Variants in SUMF1 observed in about 807,000 individuals in gnomAD.
The protein encoded by SUMF1 is sulfatase modifying factor 1, also known as formylglycine-generating enzyme.
A neutral mutation model predicts 47.6 loss-of-function variants in SUMF1; 48 were observed. The observed-to-expected ratio is 1.01, with a 90% CI of 0.80 to 1.28. The LOEUF (loss-of-function observed/expected upper bound fraction) is 1.28. Ranked by LOEUF, SUMF1 falls within the 50% of genes most tolerant of loss-of-function variation. The pLI, the probability that SUMF1 is intolerant of heterozygous loss-of-function variation, is 0.00. For missense variants in SUMF1, 571 were observed against 485.4 expected, an observed-to-expected ratio of 1.18 and a Z score of -1.66; for synonymous variants, 230 against 192.1, an observed-to-expected ratio of 1.20 and a Z score of -1.63.
chr3:4,140,939 AAC>A (rs1406234603), intron 8 of SUMF1, among the ~76,000 whole-genome samples: 2 of 152,164 alleles, frequency 1.3e-5, no homozygotes, highest in African/African-American at 2.4e-5. Context: ...AGAGGAAAAA[AAC>A]ACAGTCCCTG....
chr3:4,102,743 G>C (rs1240899588), intron 8 of SUMF1, among the ~76,000 whole-genome samples: 1 of 151,982 alleles, frequency 6.6e-6, no homozygotes, highest in Non-Finnish European at 1.5e-5. Flanking sequence ...TCTTGCACCA[G>C]AAGCACAGGA....
chr3:4,208,573 T>C (rs1385594844), intron 8 of SUMF1, among the ~76,000 whole-genome samples: 1 of 151,500 alleles, frequency 6.6e-6, no homozygotes, highest in Non-Finnish European at 1.5e-5. Context: ...TAACTGCAAT[T>C]AATATGCTAA....
At chr3:4,315,516 T>C (rs1334447105) in intron 8 of SUMF1, among the ~76,000 whole-genome samples, 1 of 152,140 alleles carries the variant, frequency 6.6e-6, no homozygotes, top group East Asian at 1.9e-4. Context: ...TTTTTTGTCC[T>C]CAGGCACTAG....
At chr3:4,356,409 TC>T (rs1412107421), downstream of SUMF1, among the ~76,000 whole-genome samples, 3,028 of 151,824 alleles carry the variant, frequency 0.02, 106 homozygotes, top group African/African-American at 0.069. Flanking sequence ...TAAATGGTTT[TC>T]CGTGGGGACA....
At chr3:4,039,043 C>G (rs1261511868) in intron 9 of SUMF1, among the ~76,000 whole-genome samples, 1 of 151,886 alleles carries the variant, frequency 6.6e-6, no homozygotes, top group Non-Finnish European at 1.5e-5. Flanking sequence ...CTAAATGCAA[C>G]AGCAATGGCA....
At chr3:4,200,307 G>T (rs531212150) in intron 8 of SUMF1, among the ~76,000 whole-genome samples, 7 of 151,934 alleles carry the variant, frequency 4.6e-5, no homozygotes, top group Non-Finnish European at 7.4e-5. Context: ...GTTTCCAGAG[G>T]AGACTGGTGT....
At chr3:4,276,048 G>A (rs1157579502) in intron 8 of SUMF1, among the ~76,000 whole-genome samples, 1 of 152,130 alleles carries the variant, frequency 6.6e-6, no homozygotes, top group Non-Finnish European at 1.5e-5. Context: ...GCCCTGATCT[G>A]TGTGGTTCCA....
chr3:4,177,217 C>T (rs1180554497), intron 8 of SUMF1, among the ~76,000 whole-genome samples: 3 of 152,092 alleles, frequency 2.0e-5, no homozygotes, highest in Non-Finnish European at 4.4e-5. Context: ...ACTCTAAAGA[C>T]CAAATCAACA....
At chr3:4,132,836 T>C (rs1328841365) in intron 8 of SUMF1, among the ~76,000 whole-genome samples, 5 of 152,124 alleles carry the variant, frequency 3.3e-5, no homozygotes, top group African/African-American at 1.2e-4. Context: ...AGGAAGAGTA[T>C]GCATGGAATA....
chr3:4,442,043 T>C (rs1702608128), intron 3 of SUMF1, among the ~76,000 whole-genome samples: 1 of 152,132 alleles, frequency 6.6e-6, no homozygotes, highest in Non-Finnish European at 1.5e-5. Context: ...GGGCAGTGGT[T>C]GGGCAGGAGA....
intron 8 of SUMF1, among the ~76,000 whole-genome samples, chr3:4,239,271 T>C (rs1362897090): frequency 1.3e-5 from 2 of 152,156 alleles, no homozygotes; most frequent in South Asian, 2.1e-4. Context: ...CTTTTTTGGT[T>C]CCATGTGAAA....
chr3:4,354,335 C>A (rs1575123023), intron 8 of SUMF1, among the ~76,000 whole-genome samples: 1 of 152,208 alleles, frequency 6.6e-6, no homozygotes, highest in Non-Finnish European at 1.5e-5. Context: ...AAACCTTGAA[C>A]AGGCAGATCA....
intron 3 of SUMF1, among the ~76,000 whole-genome samples, chr3:4,442,950 C>CAA (rs776278067): frequency 2.5e-5 from 3 of 121,158 alleles, no homozygotes; most frequent in Non-Finnish European, 3.6e-5. Context: ...AAGAAATGCT[C>CAA]AAAAAAAAAA....
intron 8 of SUMF1, among the ~76,000 whole-genome samples, chr3:4,264,992 G>A (rs1178313048): frequency 6.6e-6 from 1 of 152,068 alleles, no homozygotes; most frequent in Non-Finnish European, 1.5e-5. Flanking sequence ...AATTAGCTGT[G>A]TGTGGTGGCG....
At chr3:4,077,199 C>T (rs1002316248) in intron 8 of SUMF1, among the ~76,000 whole-genome samples, 2 of 152,098 alleles carry the variant, frequency 1.3e-5, no homozygotes, top group Non-Finnish European at 2.9e-5. Flanking sequence ...TGCTTTTACA[C>T]TGTTGGTGGG....
At chr3:4,404,431 A>G (rs1437147900) in intron 7 of SUMF1, among the ~76,000 whole-genome samples, 1 of 152,154 alleles carries the variant, frequency 6.6e-6, no homozygotes, top group Non-Finnish European at 1.5e-5. Flanking sequence ...TATCAAACTG[A>G]TTTATTCATG....
At chr3:4,219,707 G>A (rs945842796) in intron 8 of SUMF1, among the ~76,000 whole-genome samples, 3 of 152,074 alleles carry the variant, frequency 2.0e-5, no homozygotes, top group African/African-American at 7.2e-5. Flanking sequence ...TATTGTTTCT[G>A]AGGTACCTCC....
chr3:4,219,910 C>G (rs534406085), intron 8 of SUMF1, among the ~76,000 whole-genome samples: 1 of 152,168 alleles, frequency 6.6e-6, no homozygotes, highest in South Asian at 2.1e-4. Flanking sequence ...AAGCCAGAGA[C>G]TAGAATCACC....
At chr3:4,189,503 G>T (rs1460450730) in intron 8 of SUMF1, among the ~76,000 whole-genome samples, 1 of 152,076 alleles carries the variant, frequency 6.6e-6, no homozygotes, top group Non-Finnish European at 1.5e-5. Flanking sequence ...GTACAAACAT[G>T]ATACCTGAAC....
Sources: gnomAD v4.1 joint callset for allele counts (sites outside exome capture counted in the v4.1 genomes callset) on GRCh38, gnomAD v4.1.1 for gene constraint, MANE v1.5 for transcripts, NCBI Gene and HGNC (gene_info 2026-07-23, HGNC 2026-07-21) for gene names.